The following TAB2 variants were observed in gnomAD, a reference collection of about 807,000 sequenced individuals.
The protein encoded by TAB2 is TGF-beta activated kinase 1 (MAP3K7) binding protein 2.
Under a neutral mutation model 65.0 loss-of-function variants are expected in TAB2, and 3 were observed. The ratio of observed to expected loss-of-function variants is 0.05; its 90% CI spans 0.02 to 0.12. The LOEUF (loss-of-function observed/expected upper bound fraction) is 0.12. TAB2 is among the 10% of genes least tolerant of loss of function. TAB2 has a pLI of 1.00. For missense variants in TAB2, 623 were observed against 840.3 expected, an observed-to-expected ratio of 0.74 and a Z score of 3.20; for synonymous variants, 298 against 285.1, an observed-to-expected ratio of 1.05 and a Z score of -0.46.
chr6:149,309,205 A>G (rs933857110), intron 1 of TAB2, among the ~76,000 whole-genome samples: 1 of 152,218 alleles, frequency 6.6e-6, no homozygotes, highest in Non-Finnish European at 1.5e-5. Flanking sequence ...TCACATATCA[A>G]GATTATGACA....
chr6:149,264,942 G>A (rs1254198122), intron 1 of TAB2, among the ~76,000 whole-genome samples: 1 of 152,242 alleles, frequency 6.6e-6, no homozygotes, highest in Non-Finnish European at 1.5e-5. Flanking sequence ...GGATGGGCTG[G>A]TAGAAGAAGC....
chr6:149,368,708 A>G (rs1164504515), intron 1 of TAB2, among the ~76,000 whole-genome samples: 2 of 151,654 alleles, frequency 1.3e-5, no homozygotes, highest in African/African-American at 2.4e-5. Flanking sequence ...TGGAAAATCT[A>G]CAATGCAAAT....
intron 1 of TAB2, among the ~76,000 whole-genome samples, chr6:149,275,975 C>G: frequency 6.6e-6 from 1 of 152,088 alleles, no homozygotes; most frequent in East Asian, 1.9e-4. Flanking sequence ...GATCCTGAAA[C>G]AGAAAGAGGA....
upstream of TAB2, among the ~76,000 whole-genome samples, chr6:149,316,921 C>A (rs987738388): frequency 6.6e-6 from 1 of 151,978 alleles, no homozygotes; most frequent in Non-Finnish European, 1.5e-5. Flanking sequence ...TGCACGGGTC[C>A]CTCCCGTTAG....
intron 1 of TAB2, among the ~76,000 whole-genome samples, chr6:149,334,658 G>A (rs1779880711): frequency 6.6e-6 from 1 of 150,708 alleles, no homozygotes; most frequent in African/African-American, 2.4e-5. Flanking sequence ...CTGGAAAATA[G>A]AGCAAGACCT....
At chr6:149,218,085 G>A (rs1403855236), upstream of TAB2, 2 of 152,100 alleles carry the variant, frequency 1.3e-5, no homozygotes, top group Non-Finnish European at 2.9e-5. Flanking sequence ...TACTAACCTG[G>A]TATGCATCTT....
chr6:149,326,369 T>C (rs1779618365), intron 1 of TAB2, among the ~76,000 whole-genome samples: 1 of 152,102 alleles, frequency 6.6e-6, no homozygotes, highest in Non-Finnish European at 1.5e-5. Flanking sequence ...TGAAATCTCT[T>C]AGCCTAGAGG....
chr6:149,235,168 A>G (rs1252801183), intron 1 of TAB2, among the ~76,000 whole-genome samples: 7 of 152,258 alleles, frequency 4.6e-5, no homozygotes, highest in Non-Finnish European at 7.3e-5. Context: ...ATATAAATAC[A>G]ACATTCAAGG....
chr6:149,275,225 G>GGGGA (rs1778438540), intron 1 of TAB2, among the ~76,000 whole-genome samples: 2 of 97,442 alleles, frequency 2.1e-5, no homozygotes, highest in South Asian at 3.2e-4. Context: ...GGGGGAGGGG[G>GGGGA]GAGAGAGAGA....
intron 1 of TAB2, among the ~76,000 whole-genome samples, chr6:149,325,257 A>G (rs1391435280): frequency 6.6e-6 from 1 of 152,204 alleles, no homozygotes; most frequent in East Asian, 1.9e-4. Flanking sequence ...AGAAAAATGG[A>G]TATAGTAATA....
rs1777923425 is a variant in TAB2, at chr6:149,253,965, AG to A, written c.-121+35190del. 4.1e-5 allele frequency among the ~76,000 whole-genome samples: 3 copies of A among 72,708 alleles called. No individual in the cohort carries two copies. In the Admixed American group the frequency reaches 4.5e-4, roughly 11 times the overall value. The allele number at this position is 72,708 out of a possible 152,430, so 47.7% of individuals were successfully genotyped here. The stretch of plus-strand genomic sequence containing the variant: ...AAGAGAAAGAAAGAAAGAAAAAGAA[AG>A]AAAGAAAGAAAGAAAGAAAGAAAGA... On this transcript the variant is annotated intron_variant, in intron 1 of 1. Transcript: ENST00000606202.
At chr6:149,345,229 T>C (rs1780255199) in intron 1 of TAB2, among the ~76,000 whole-genome samples, 1 of 152,132 alleles carries the variant, frequency 6.6e-6, no homozygotes, top group Non-Finnish European at 1.5e-5. Context: ...GGATTACAAA[T>C]TATGACACTA....
At position 149,384,095 on chromosome 6, in the gene TAB2, C is replaced by T. The variant is rs1054339864; in HGVS notation, c.1603+4577C>T. ...GGTAAGAAAAAGAAAAGAAATATCTCGGTCTTCTGCAGTGAAATTGATTTT... is the reference window on the plus strand; with the variant it reads ...GGTAAGAAAAAGAAAAGAAATATCTTGGTCTTCTGCAGTGAAATTGATTTT... On this transcript the variant is annotated intron_variant, in intron 3 of 6. Coordinates refer to ENST00000637181, the MANE Select transcript of TAB2 (RefSeq NM_001292034.3). Among the ~76,000 whole-genome samples, 26 of 152,094 alleles carry T rather than the reference C, an allele frequency of 1.7e-4. 1 individual carries two copies. Among genetic ancestry groups the T allele is most frequent in the African/African-American group, 6.0e-4 (25 of 41,426 alleles).
rs59196897 is a variant in TAB2 at position 149,281,555 on chromosome 6, C to CAAAAAAAAAA, written c.-121+62796_-121+62805dup. Among the ~76,000 whole-genome samples, 160 of 70,332 alleles carry CAAAAAAAAAA rather than the reference C, an allele frequency of 2.3e-3. 52 individuals carry two copies. Among genetic ancestry groups the CAAAAAAAAAA allele is most frequent in the African/African-American group, 7.2e-3 (141 of 19,638 alleles). The allele number at this position is 70,332 out of a possible 152,430, so 46.1% of individuals were successfully genotyped here. On this transcript the variant is annotated intron_variant, in intron 1 of 1. Coordinates refer to the TAB2 transcript ENST00000606202. The stretch of plus-strand genomic sequence containing the variant: ...TGAACAACACAGCAAGATGCCATCT[C>CAAAAAAAAAA]AAAAAAAAAAAAAAAAAAAAAAAAA...
chr6:149,287,508 A>C (rs1040989459), intron 1 of TAB2, among the ~76,000 whole-genome samples: 3 of 151,076 alleles, frequency 2.0e-5, no homozygotes, highest in Non-Finnish European at 4.4e-5. Context: ...AGAAAGTATT[A>C]GAAAATTGTG....
intron 1 of TAB2, among the ~76,000 whole-genome samples, chr6:149,355,699 C>G (rs181080525): frequency 1.3e-4 from 19 of 151,094 alleles, no homozygotes; most frequent in South Asian, 1.3e-3. Flanking sequence ...GTTAAACTTA[C>G]GTTGAATTAC....
At chr6:149,259,370 CACAT>C (rs1226859718) in intron 1 of TAB2, among the ~76,000 whole-genome samples, 5 of 149,820 alleles carry the variant, frequency 3.3e-5, no homozygotes, top group East Asian at 2.0e-4. Flanking sequence ...CACACACACA[CACAT>C]ACACACAATC....
chr6:149,392,330 T>G (rs371212166), intron 3 of TAB2, among the ~76,000 whole-genome samples: 9 of 152,048 alleles, frequency 5.9e-5, no homozygotes, highest in African/African-American at 2.2e-4. Context: ...TTAGTAGAGA[T>G]AGAGTTTCAC....
At chr6:149,278,678 A>G (rs1396204548) in intron 1 of TAB2, among the ~76,000 whole-genome samples, 2 of 152,226 alleles carry the variant, frequency 1.3e-5, no homozygotes, top group Non-Finnish European at 2.9e-5. Flanking sequence ...AACGCATATC[A>G]TTCCCTCCAG....
Sources: gnomAD v4.1 joint callset for allele counts (sites outside exome capture counted in the v4.1 genomes callset) on GRCh38, gnomAD v4.1.1 for gene constraint, MANE v1.5 for transcripts, NCBI Gene and HGNC (gene_info 2026-07-23, HGNC 2026-07-21) for gene names.